LINGO2: variants seen among roughly 807,000 people sequenced by gnomAD.
The protein encoded by LINGO2 is leucine-rich repeat and immunoglobulin-like domain-containing nogo receptor-interacting protein 2.
LINGO2 carries 14 observed loss-of-function variants against 30.6 expected under a neutral mutation model. The ratio of observed to expected loss-of-function variants is 0.46; its 90% CI spans 0.30 to 0.72. LINGO2 has a LOEUF of 0.72. Ranked by LOEUF, LINGO2 falls within the 30% of genes least tolerant of loss-of-function variation. LINGO2 has a pLI of 0.07. For synonymous variants in LINGO2, 317 were observed against 288.5 expected (o/e 1.10, Z -1.00); for missense variants, 729 against 751.7 (o/e 0.97, Z 0.35).
intron 4 of LINGO2, among the ~76,000 whole-genome samples, chr9:28,275,226 G>C (rs960844847): frequency 6.6e-6 from 1 of 151,846 alleles, no homozygotes; most frequent in Non-Finnish European, 1.5e-5. Context: ...CCGCCACCAC[G>C]CTTGGCTAAT....
At chr9:28,857,236 AG>A in the LINGO2 span, among the ~76,000 whole-genome samples, 1 of 152,082 alleles carries the variant, frequency 6.6e-6, no homozygotes, top group South Asian at 2.1e-4. Context: ...GAGAAAGTAT[AG>A]AAAAAACAAA....
chr9:27,981,534 CAAAAAAA>C (rs763284293), intron 5 of LINGO2, among the ~76,000 whole-genome samples: 1 of 39,858 alleles, frequency 2.5e-5, no homozygotes, highest in African/African-American at 8.5e-5. Flanking sequence ...ACGAGGATGG[CAAAAAAA>C]AAAAAAAAAG....
chr9:28,376,989 C>A (rs949692276), intron 2 of LINGO2, among the ~76,000 whole-genome samples: 1 of 151,982 alleles, frequency 6.6e-6, no homozygotes, highest in African/African-American at 2.4e-5. Flanking sequence ...ATTATACTGC[C>A]ATTGGAATAT....
intron 2 of LINGO2, among the ~76,000 whole-genome samples, chr9:28,451,746 T>C (rs886216143): frequency 5.3e-5 from 8 of 151,758 alleles, no homozygotes; most frequent in Admixed American, 3.9e-4. Context: ...TTTGGTGTTA[T>C]ATCTGATATT....
chr9:28,086,109 T>C lies in LINGO2; in HGVS notation c.-86-73704A>G, dbSNP rs148058478. The stretch of plus-strand genomic sequence containing the variant: ...ATGCATTTGGACAAGGAGCTAGCAG[T>C]TAACAGTGGGAGGGAAACTTACTTT... On this transcript the variant is annotated intron_variant, in intron 4 of 5. Coordinates refer to ENST00000379992, the Ensembl canonical transcript of LINGO2. 8.9e-3 allele frequency among the ~76,000 whole-genome samples: 1,348 copies of C among 152,198 alleles called. 11 individuals are homozygous for C. The highest frequency in any genetic ancestry group is 0.014 in the Non-Finnish European group (956 of 67,994).
chr9:28,489,895 T>C (rs1587744000), intron 1 of LINGO2, among the ~76,000 whole-genome samples: 1 of 38,694 alleles, frequency 2.6e-5, no homozygotes, highest in Non-Finnish European at 4.3e-5. Context: ...AGACTTTGTC[T>C]CAAAAAAAAA....
chr9:28,595,548 T>G (rs1825133325), intron 1 of LINGO2, among the ~76,000 whole-genome samples: 1 of 152,132 alleles, frequency 6.6e-6, no homozygotes, highest in Admixed American at 6.6e-5. Flanking sequence ...AGTCTTATAC[T>G]TGATAGTGTC....
At chr9:28,623,085 T>G (rs1826486222) in intron 1 of LINGO2, among the ~76,000 whole-genome samples, 1 of 152,038 alleles carries the variant, frequency 6.6e-6, no homozygotes, top group Non-Finnish European at 1.5e-5. Context: ...TATATTCTGG[T>G]TATTAATCCC....
At chr9:28,401,188 C>T (rs1447399173) in intron 2 of LINGO2, among the ~76,000 whole-genome samples, 2 of 151,948 alleles carry the variant, frequency 1.3e-5, no homozygotes, top group Non-Finnish European at 2.9e-5. Context: ...TCTTAAAAAC[C>T]GAGATAAATG....
At chr9:28,430,666 A>C (rs527656014) in intron 2 of LINGO2, among the ~76,000 whole-genome samples, 2 of 152,288 alleles carry the variant, frequency 1.3e-5, no homozygotes, top group South Asian at 2.1e-4. Context: ...GCTTACACTC[A>C]ATGTCATATT....
the LINGO2 span, among the ~76,000 whole-genome samples, chr9:28,778,046 G>A: frequency 2.0e-5 from 3 of 152,160 alleles, no homozygotes; most frequent in Admixed American, 2.0e-4. Context: ...ATGATTGATA[G>A]TGGCATAGAA....
At chr9:27,970,018 CATA>C (rs1385340340) in intron 5 of LINGO2, among the ~76,000 whole-genome samples, 3 of 152,284 alleles carry the variant, frequency 2.0e-5, no homozygotes, top group African/African-American at 7.2e-5. Context: ...ATCAAGGCCT[CATA>C]ATGTTGTATT....
intron 4 of LINGO2, among the ~76,000 whole-genome samples, chr9:28,243,178 C>G (rs1383910032): frequency 6.6e-6 from 1 of 151,962 alleles, no homozygotes; most frequent in Non-Finnish European, 1.5e-5. Context: ...ACGGACTAGG[C>G]TGGGTGTGGT....
the LINGO2 span, among the ~76,000 whole-genome samples, chr9:28,956,059 AT>A: frequency 0.041 from 6,295 of 151,994 alleles, 199 homozygotes; most frequent in Admixed American, 0.083. Flanking sequence ...TTAAAAAAAA[AT>A]TAGGTGACTC....
rs190717767 is a variant in LINGO2, at chr9:28,458,517, G to A, written c.-279+17423C>T. Among the ~76,000 whole-genome samples, 406 of 152,070 alleles carry A rather than the reference G, an allele frequency of 2.7e-3. 4 individuals carry two copies. The highest frequency in any genetic ancestry group is 9.0e-3 in the African/African-American group (375 of 41,494). ...ACTGAGTCACTGTTAATATACTTGC[G>A]TCTCTTTTTCTTTTCTTTTTTGCAT... is the stretch of plus-strand genomic sequence containing the variant. On this transcript the variant is annotated intron_variant, in intron 2 of 5. Coordinates refer to ENST00000379992, the Ensembl canonical transcript of LINGO2.
the LINGO2 span, among the ~76,000 whole-genome samples, chr9:29,073,773 T>C: frequency 3.3e-5 from 5 of 152,228 alleles, no homozygotes; most frequent in Non-Finnish European, 7.3e-5. Flanking sequence ...CTTCAGTGTT[T>C]GCTATTAAAA....
the LINGO2 span, among the ~76,000 whole-genome samples, chr9:28,876,232 GTATTAT>G: frequency 6.6e-6 from 1 of 151,442 alleles, no homozygotes; most frequent in Non-Finnish European, 1.5e-5. Flanking sequence ...CTACGATATA[GTATTAT>G]TATTATTATT....
At chr9:28,268,324 G>C (rs1296336367) in intron 4 of LINGO2, among the ~76,000 whole-genome samples, 2 of 152,168 alleles carry the variant, frequency 1.3e-5, no homozygotes, top group Non-Finnish European at 1.5e-5. Context: ...CACAGTCTGT[G>C]ATGGTATCTG....
chr9:29,181,649 A>G, the LINGO2 span, among the ~76,000 whole-genome samples: 4 of 152,182 alleles, frequency 2.6e-5, no homozygotes, highest in African/African-American at 9.7e-5. Context: ...GTTGAAATAA[A>G]CTGATGTACT....
Sources: allele counts gnomAD v4.1 joint callset (sites outside exome capture counted in the v4.1 genomes callset), GRCh38; gene constraint gnomAD v4.1.1; transcripts MANE v1.5; gene names NCBI Gene and HGNC (gene_info 2026-07-23, HGNC 2026-07-21).